Variants in SUGCT observed in about 807,000 individuals in gnomAD.
SUGCT encodes succinyl-CoA:glutarate-CoA transferase.
Under a neutral mutation model 55.0 loss-of-function variants are expected in SUGCT, and 41 were observed. The observed-to-expected ratio is 0.74, with a 90% CI of 0.58 to 0.97. SUGCT has a LOEUF of 0.97. SUGCT is among the 50% of genes least tolerant of loss of function. SUGCT has a pLI of 0.00. For synonymous variants in SUGCT, 187 were observed against 200.4 expected (o/e 0.93, Z 0.56); for missense variants, 568 against 547.8 (o/e 1.04, Z -0.37).
intron 13 of SUGCT, among the ~76,000 whole-genome samples, chr7:40,855,307 T>C (rs1308566672): frequency 1.3e-5 from 2 of 151,798 alleles, no homozygotes; most frequent in Non-Finnish European, 2.9e-5. Context: ...GAAAAATTTA[T>C]CCTCTTCTAC....
intron 7 of SUGCT, 29 bp downstream of exon 7, chr7:40,237,755 A>G (rs938067367): frequency 1.5e-5 from 23 of 1,578,816 alleles, no homozygotes; most frequent in Non-Finnish European, 1.9e-5. Flanking sequence ...AATATTCATA[A>G]TTTCTTCCCT....
At chr7:40,898,033 T>C in the SUGCT span, among the ~76,000 whole-genome samples, 2 of 152,128 alleles carry the variant, frequency 1.3e-5, no homozygotes, top group Non-Finnish European at 2.9e-5. Flanking sequence ...TTCTTTCGCT[T>C]TTCAGATAAA....
chr7:40,818,249 G>T (rs750180098), intron 13 of SUGCT, among the ~76,000 whole-genome samples: 15 of 152,060 alleles, frequency 9.9e-5, no homozygotes, highest in Non-Finnish European at 1.5e-4. Context: ...CTCTATGGAG[G>T]TCTACACACC....
the SUGCT span, among the ~76,000 whole-genome samples, chr7:40,976,363 C>T: frequency 6.6e-6 from 1 of 152,156 alleles, no homozygotes; most frequent in Non-Finnish European, 1.5e-5. Flanking sequence ...ATTAAATATC[C>T]ATTGCCTCAT....
chr7:41,033,273 C>T, the SUGCT span, among the ~76,000 whole-genome samples: 1 of 152,212 alleles, frequency 6.6e-6, no homozygotes, highest in Non-Finnish European at 1.5e-5. Context: ...TTCCCTTCAT[C>T]TCTTCTGTCT....
the SUGCT span, among the ~76,000 whole-genome samples, chr7:40,878,919 G>A: frequency 2.0e-5 from 3 of 151,122 alleles, no homozygotes; most frequent in East Asian, 1.9e-4. Flanking sequence ...TCAGCCTCCC[G>A]AGTAGCTGGG....
At chr7:40,281,035 T>C (rs1792917383) in intron 8 of SUGCT, among the ~76,000 whole-genome samples, 1 of 152,166 alleles carries the variant, frequency 6.6e-6, no homozygotes, top group African/African-American at 2.4e-5. Flanking sequence ...ATATTAAAAA[T>C]TACATTCTAT....
At chr7:40,899,250 A>C in the SUGCT span, among the ~76,000 whole-genome samples, 1 of 152,080 alleles carries the variant, frequency 6.6e-6, no homozygotes, top group Non-Finnish European at 1.5e-5. Flanking sequence ...CCTCCTCACC[A>C]ACCCTGACTG....
intron 12 of SUGCT, among the ~76,000 whole-genome samples, chr7:40,717,657 G>A (rs1019463355): frequency 3.9e-5 from 6 of 152,162 alleles, no homozygotes; most frequent in East Asian, 1.9e-4. Flanking sequence ...CAATTTAAAC[G>A]CACAGAAATC....
At chr7:40,825,456 G>C (rs1334813689) in intron 13 of SUGCT, among the ~76,000 whole-genome samples, 2 of 152,024 alleles carry the variant, frequency 1.3e-5, no homozygotes, top group Non-Finnish European at 2.9e-5. Flanking sequence ...AACCTTTTTA[G>C]GGTTTCAAAT....
the SUGCT span, among the ~76,000 whole-genome samples, chr7:40,885,985 G>A: frequency 6.6e-6 from 1 of 152,160 alleles, no homozygotes; most frequent in Non-Finnish European, 1.5e-5. Flanking sequence ...ACTTTTAAGA[G>A]ACTTTACAGA....
chr7:40,929,143 A>T, the SUGCT span, among the ~76,000 whole-genome samples: 1 of 150,492 alleles, frequency 6.6e-6, no homozygotes, highest in East Asian at 2.0e-4. Flanking sequence ...CTCATTGTTC[A>T]ATTCCCACCT....
intron 12 of SUGCT, among the ~76,000 whole-genome samples, chr7:40,743,425 C>T (rs114385327): frequency 0.026 from 3,973 of 152,284 alleles, 169 homozygotes; most frequent in African/African-American, 0.091. Context: ...GTTAATTGAG[C>T]ATCTACCAGA....
At chr7:40,282,076 A>T (rs1047861434) in intron 8 of SUGCT, among the ~76,000 whole-genome samples, 7 of 152,016 alleles carry the variant, frequency 4.6e-5, no homozygotes, top group Non-Finnish European at 8.8e-5. Context: ...GATTACAGGC[A>T]TGAGCCACCG....
chr7:40,738,119 C>G (rs1048678629), intron 12 of SUGCT, among the ~76,000 whole-genome samples: 1 of 147,630 alleles, frequency 6.8e-6, no homozygotes, highest in East Asian at 2.0e-4. Flanking sequence ...ATCGCTTGAA[C>G]TAGGGAGGCA....
chr7:40,741,759 C>G (rs933491330), intron 12 of SUGCT, among the ~76,000 whole-genome samples: 13 of 152,140 alleles, frequency 8.5e-5, no homozygotes, highest in African/African-American at 3.1e-4. Context: ...CCATGATTAG[C>G]CTATGGCCTC....
chr7:40,325,898 C>CTTTTTTTTTTTTTTT (rs71560191), intron 9 of SUGCT, among the ~76,000 whole-genome samples: 3 of 122,182 alleles, frequency 2.5e-5, no homozygotes, highest in Non-Finnish European at 1.7e-5. Flanking sequence ...GGATGTGCGT[C>CTTTTTTTTTTTTTTT]TTTTTTTTTT....
chr7:40,221,857 A>C (rs947715357), intron 6 of SUGCT, among the ~76,000 whole-genome samples: 16 of 152,216 alleles, frequency 1.1e-4, no homozygotes, highest in African/African-American at 3.4e-4. Context: ...CAGTTCTATA[A>C]AATTTATAAT....
At chr7:40,933,328 G>A in the SUGCT span, among the ~76,000 whole-genome samples, 7,722 of 152,252 alleles carry the variant, frequency 0.051, 292 homozygotes, top group South Asian at 0.16. Context: ...GCTTCCCTTT[G>A]TGGGTAACTC....
Sources: gnomAD v4.1 joint callset for allele counts (sites outside exome capture counted in the v4.1 genomes callset) on GRCh38, gnomAD v4.1.1 for gene constraint, MANE v1.5 for transcripts, NCBI Gene and HGNC (gene_info 2026-07-23, HGNC 2026-07-21) for gene names.